MRPL37: variants seen among roughly 807,000 people sequenced by gnomAD.
MRPL37 encodes mitochondrial ribosomal protein L37, also known as large ribosomal subunit protein mL37.
Under a neutral mutation model 44.1 loss-of-function variants are expected in MRPL37, and 34 were observed. The ratio of observed to expected loss-of-function variants is 0.77; its 90% confidence interval spans 0.59 to 1.03. MRPL37 has a LOEUF of 1.03. MRPL37 is among the 50% of genes least tolerant of loss of function. MRPL37 has a pLI of 0.00. For synonymous variants in MRPL37, 212 were observed against 219.5 expected (o/e 0.97, Z 0.30); for missense variants, 532 against 543.7 (o/e 0.98, Z 0.21).
chr1:54,202,139 C>T (rs938360769), intron 1 of MRPL37, among the ~76,000 whole-genome samples: 1 of 151,882 alleles, frequency 6.6e-6, no homozygotes, highest in Non-Finnish European at 1.5e-5. Context: ...GTAGCTGGGA[C>T]CACAGGCGCA....
At chr1:54,220,685 A>G (rs1553179937), downstream of MRPL37, 1 of 471,668 alleles carries the variant, frequency 2.1e-6, no homozygotes, top group Non-Finnish European at 4.4e-6. Flanking sequence ...CAGGAGAGGA[A>G]GTGATGCAGC....
chr1:54,205,465 C>T, intron 3 of MRPL37, 55 bp downstream of exon 3: 2 of 1,410,006 alleles, frequency 1.4e-6, no homozygotes, highest in Non-Finnish European at 2.0e-6. Flanking sequence ...CCTTTCTACT[C>T]TTAACCCCAC....
At position 54,216,178 on chromosome 1, in the gene MRPL37, A is replaced by C. The variant is rs1644196021; in HGVS notation, c.1028A>C (p.Gln343Pro). 6.2e-7 allele frequency: 1 copy of C among 1,614,116 alleles called. No individual in the cohort carries two copies. ...GTCTTGGAGCAGCCCGTGGTGGTGC[A>C]GAGCGTGGGCACGGATGGACGTGTC... ...AKVLEQPVVV[Q>P]SVGTDGRVFH... Residue 343 changes from glutamine (Q) to proline (P), a missense_variant, in exon 6 of 7, where the codon CAG becomes CCG. Transcript: ENST00000360840.
At chr1:54,218,562 AC>A (rs1644213219), downstream of MRPL37, among the ~76,000 whole-genome samples, 1 of 152,188 alleles carries the variant, frequency 6.6e-6, no homozygotes, top group Admixed American at 6.6e-5. Context: ...AATGTGACTT[AC>A]CTGGCGTTGA....
downstream of MRPL37, among the ~76,000 whole-genome samples, chr1:54,222,954 A>G (rs1644245740): frequency 6.6e-6 from 1 of 152,130 alleles, no homozygotes; most frequent in Admixed American, 6.5e-5. Context: ...ACACGAGTGG[A>G]TGGATGGAAA....
At chr1:54,213,273 C>T (rs1028088533) in intron 5 of MRPL37, among the ~76,000 whole-genome samples, 1 of 152,206 alleles carries the variant, frequency 6.6e-6, no homozygotes, top group Non-Finnish European at 1.5e-5. Flanking sequence ...GCAAAGGCCT[C>T]CAGGGAGGGG....
At chr1:54,218,131 A>G in intron 6 of MRPL37, 41 bp from the exon 7 acceptor site, 1 of 1,548,646 alleles carries the variant, frequency 6.5e-7, no homozygotes. Flanking sequence ...TGCTGCCGTT[A>G]AACCTAGTAG....
downstream of MRPL37, among the ~76,000 whole-genome samples, chr1:54,223,897 G>C (rs1644254637): frequency 6.6e-6 from 1 of 152,222 alleles, no homozygotes; most frequent in African/African-American, 2.4e-5. Context: ...CCAGTTCTTT[G>C]CTCAGAGATC....
chr1:54,210,613 A>G (rs941489928), intron 4 of MRPL37, among the ~76,000 whole-genome samples: 10 of 152,176 alleles, frequency 6.6e-5, no homozygotes, highest in African/African-American at 2.4e-4. Context: ...AGGGACCACC[A>G]TGTACTCCGT....
downstream of MRPL37, among the ~76,000 whole-genome samples, chr1:54,219,038 C>A (rs1644216384): frequency 6.6e-6 from 1 of 152,210 alleles, no homozygotes; most frequent in African/African-American, 2.4e-5. Flanking sequence ...TTGGGGAGAA[C>A]CTTTAGGACA....
downstream of MRPL37, among the ~76,000 whole-genome samples, chr1:54,221,154 G>A (rs1644231101): frequency 6.6e-6 from 1 of 152,052 alleles, no homozygotes; most frequent in Non-Finnish European, 1.5e-5. Flanking sequence ...GTTCTTCTTA[G>A]AAGCCAGGTG....
At chr1:54,210,439 T>C (rs1246580723) in intron 4 of MRPL37, among the ~76,000 whole-genome samples, 1 of 152,124 alleles carries the variant, frequency 6.6e-6, no homozygotes. Flanking sequence ...AACTGTATCA[T>C]TGGGCGTTTG....
At chr1:54,217,758 C>T (rs756030712) in intron 6 of MRPL37, among the ~76,000 whole-genome samples, 8 of 152,156 alleles carry the variant, frequency 5.3e-5, no homozygotes, top group Non-Finnish European at 8.8e-5. Flanking sequence ...CGGTAAGCTC[C>T]TTGAGGACAG....
chr1:54,222,266 A>G (rs1644241221), downstream of MRPL37, among the ~76,000 whole-genome samples: 1 of 152,196 alleles, frequency 6.6e-6, no homozygotes, highest in Admixed American at 6.5e-5. Flanking sequence ...GAGCTACCCC[A>G]GCCTGGAAGG....
rs112421277 is a variant in MRPL37 at position 54,213,559 on chromosome 1, T to TA, written c.990+912dup. 5.1e-3 allele frequency among the ~76,000 whole-genome samples: 760 copies of TA among 148,420 alleles called. 5 individuals are homozygous for TA. Among genetic ancestry groups the TA allele is most frequent in the African/African-American group, 0.016 (659 of 40,740 alleles). ...CCACACATTTATTTAGGGTTTTTATTAAAAAAAAAAATCAGTGGTTCGTTC... is the reference window on the plus strand; with the variant it reads ...CCACACATTTATTTAGGGTTTTTATTAAAAAAAAAAAATCAGTGGTTCGTTC... On this transcript the variant is annotated intron_variant, in intron 5 of 6. Transcript: ENST00000360840.
chr1:54,216,245 C>T lies in MRPL37; in HGVS notation c.1095C>T (p.Asp365=), dbSNP rs1406768446. ...TTCAACTGAATACCACAGACCTGGA[C>T]TGTAACGAGGGTGTCAAGAATTTGG... ...LVFQLNTTDL[D]CNEGVKNLAW... is the part of the protein sequence containing the mutation. The change falls in exon 6 of 7, where the codon GAC becomes GAT. Residue 365 remains aspartate (D), a synonymous_variant. Transcript: ENST00000360840. 3.7e-6 allele frequency: 6 copies of T among 1,614,206 alleles called. No individual in the cohort carries two copies. The South Asian group carries it at 6.6e-5, about 18-fold the overall frequency.
intron 6 of MRPL37, 124 bp from the exon 7 acceptor site, chr1:54,218,048 A>G: frequency 1.1e-6 from 1 of 900,686 alleles, no homozygotes; most frequent in South Asian, 1.4e-5. Flanking sequence ...AGTCCGAGAG[A>G]GAGACGATGT....
At chr1:54,200,660 T>G in intron 1 of MRPL37, 71 bp downstream of exon 1, 1 of 1,477,522 alleles carries the variant, frequency 6.8e-7, no homozygotes. Flanking sequence ...CTCTGTGGCT[T>G]TGGGCAAGAC....
chr1:54,204,923 C>A, intron 1 of MRPL37, 95 bp from the exon 2 acceptor site: 1 of 1,397,138 alleles, frequency 7.2e-7, no homozygotes, highest in Non-Finnish European at 9.7e-7. Context: ...TCACTTGAGG[C>A]AGCCTTTTTA....
Sources: allele counts gnomAD v4.1 joint callset (sites outside exome capture counted in the v4.1 genomes callset), GRCh38; gene constraint gnomAD v4.1.1; transcripts MANE v1.5; gene names NCBI Gene and HGNC (gene_info 2026-07-23, HGNC 2026-07-21).